Variants in PRKAR1A observed in about 807,000 individuals in gnomAD.
PRKAR1A encodes the protein protein kinase cAMP-dependent type I regulatory subunit alpha.
Under a neutral mutation model 52.0 loss-of-function variants are expected in PRKAR1A, and 3 were observed. The observed-to-expected ratio is 0.06, with a 90% CI of 0.03 to 0.15. PRKAR1A has a LOEUF of 0.15. Ranked by LOEUF, PRKAR1A falls within the 10% of genes least tolerant of loss-of-function variation. PRKAR1A has a pLI of 1.00. For synonymous variants in PRKAR1A, 188 were observed against 168.4 expected (o/e 1.12, Z -0.90); for missense variants, 240 against 477.4 (o/e 0.50, Z 4.63).
chr17:68,435,591 G>A, the PRKAR1A span: 4 of 1,609,382 alleles, frequency 2.5e-6, no homozygotes, highest in Non-Finnish European at 3.4e-6. Flanking sequence ...GCGAAACCCA[G>A]ACAGAGGTGT....
At chr17:68,524,838 A>G (rs757694658) in intron 5 of PRKAR1A, 74 bp from the exon 6 acceptor site, 2 of 1,212,178 alleles carry the variant, frequency 1.6e-6, no homozygotes, top group South Asian at 1.2e-5. Flanking sequence ...AAATAAGTTT[A>G]TTGTTTTGTA....
chr17:68,518,393 A>G (rs2085497986), intron 2 of PRKAR1A, among the ~76,000 whole-genome samples: 1 of 152,166 alleles, frequency 6.6e-6, no homozygotes, highest in African/African-American at 2.4e-5. Flanking sequence ...ATTTCTGTAC[A>G]TCTTCTGAAA....
In PRKAR1A at chr17:68,551,029, G is replaced by A. The variant is rs145733750; in HGVS notation, c.974-55G>A. ...TCCACTGGAAGAAGCACATTCTGGAGGAAAGCATGACTTGGGTAACGTGGC... is the reference window on the plus strand; with the variant it reads ...TCCACTGGAAGAAGCACATTCTGGAAGAAAGCATGACTTGGGTAACGTGGC... On this transcript the variant is annotated intron_variant, in intron 11 of 11. Transcript: ENST00000585981. The A allele has an allele frequency of 4.0e-4, 486 of 1,208,686 alleles. 3 individuals carry two copies. In the East Asian group the frequency reaches 0.012, roughly 29 times the overall value. 74.9% of individuals were successfully genotyped at this position (1,208,686 alleles called of 1,614,324 possible).
chr17:68,431,783 A>ATGAG, the PRKAR1A span, among the ~76,000 whole-genome samples: 2 of 8,504 alleles, frequency 2.4e-4, no homozygotes, highest in South Asian at 3.1e-3. Flanking sequence ...TTGAGCGGAG[A>ATGAG]ACCCAGAACA....
chr17:68,522,809 A>G lies in PRKAR1A; in HGVS notation c.231A>G (p.Ser77=). The change falls in exon 3 of 11, where the codon TCA becomes TCG. Residue 77 remains serine, a synonymous_variant. Coordinates refer to ENST00000589228, the MANE Select transcript of PRKAR1A (RefSeq NM_002734.5). ...NLQKAGTRTD[S]REDEISPPPP... is the part of the protein sequence containing the mutation. ...AGAAAGCAGGCACTCGTACAGACTC[A>G]AGGGAGGATGAGATTTCTCCTCCTC... 6.2e-7 allele frequency: 1 copy of G among 1,614,086 alleles called. No individual in the cohort carries two copies. The highest frequency in any genetic ancestry group is 8.5e-7 in the Non-Finnish European group (1 of 1,179,964).
the PRKAR1A span, among the ~76,000 whole-genome samples, chr17:68,478,249 C>T: frequency 5.3e-5 from 8 of 152,098 alleles, no homozygotes; most frequent in East Asian, 1.4e-3. Flanking sequence ...GTCAGGAGAT[C>T]GAGACTATCC....
the PRKAR1A span, among the ~76,000 whole-genome samples, chr17:68,501,055 G>A: frequency 6.6e-6 from 1 of 152,124 alleles, no homozygotes; most frequent in Non-Finnish European, 1.5e-5. Context: ...TTACTGGTTG[G>A]TCAATGCACA....
At chr17:68,423,936 A>C in the PRKAR1A span, among the ~76,000 whole-genome samples, 1 of 152,220 alleles carries the variant, frequency 6.6e-6, no homozygotes, top group South Asian at 2.1e-4. This position sits in a 1 kb window ranked among gnomAD's most constrained non-coding sequence, Gnocchi z 4.4. Flanking sequence ...AATTAGTGAA[A>C]CGGAACCTAG....
At chr17:68,483,720 G>A in the PRKAR1A span, among the ~76,000 whole-genome samples, 1 of 152,098 alleles carries the variant, frequency 6.6e-6, no homozygotes, top group Non-Finnish European at 1.5e-5. Context: ...AATTAGTTGG[G>A]TGTGGTGGCG....
chr17:68,429,355 ACTC>A, the PRKAR1A span, among the ~76,000 whole-genome samples: 2 of 152,220 alleles, frequency 1.3e-5, no homozygotes, highest in African/African-American at 2.4e-5. Context: ...TTTTGAATAA[ACTC>A]CTTTAAACTT....
At chr17:68,522,603 T>A (rs2085650273) in intron 2 of PRKAR1A, among the ~76,000 whole-genome samples, 153 bp from the exon 3 acceptor site, 2 of 151,442 alleles carry the variant, frequency 1.3e-5, no homozygotes, top group South Asian at 4.2e-4. Context: ...TTACTCTCTT[T>A]TTTTCCCCTT....
At chr17:68,546,419 T>G (rs2086569724) in intron 11 of PRKAR1A, among the ~76,000 whole-genome samples, 1 of 152,046 alleles carries the variant, frequency 6.6e-6, no homozygotes, top group Non-Finnish European at 1.5e-5. Context: ...TCACAAATTT[T>G]CTTAATGGCA....
chr17:68,510,195 G>GAGAGAGAGAGAGAGAGAGAGAT (rs1164168629), upstream of PRKAR1A, among the ~76,000 whole-genome samples: 2 of 148,650 alleles, frequency 1.3e-5, 1 homozygote, highest in South Asian at 4.3e-4. Context: ...GAGAGAGAGA[G>GAGAGAGAGAGAGAGAGAGAGAT]ATCTATCTAT....
the PRKAR1A span, among the ~76,000 whole-genome samples, chr17:68,477,550 C>A: frequency 6.6e-6 from 1 of 152,258 alleles, no homozygotes; most frequent in South Asian, 2.1e-4. Flanking sequence ...CTTTTTTCCC[C>A]GTGTGTACTT....
At chr17:68,445,774 T>A in the PRKAR1A span, among the ~76,000 whole-genome samples, 84 of 152,294 alleles carry the variant, frequency 5.5e-4, 2 homozygotes, top group African/African-American at 2.0e-3. Context: ...CAGGAAGGCA[T>A]TTCTGGTTGG....
chr17:68,500,717 A>G, the PRKAR1A span, among the ~76,000 whole-genome samples: 1 of 151,974 alleles, frequency 6.6e-6, no homozygotes, highest in Admixed American at 6.6e-5. Context: ...GGGTTTTACC[A>G]TGTTGGTTAG....
the PRKAR1A span, among the ~76,000 whole-genome samples, chr17:68,456,019 A>G: frequency 6.6e-6 from 1 of 152,226 alleles, no homozygotes; most frequent in Admixed American, 6.5e-5. Context: ...AGTGGATCCT[A>G]AAACGCAATT....
chr17:68,504,808 C>A, the PRKAR1A span, among the ~76,000 whole-genome samples: 1 of 152,088 alleles, frequency 6.6e-6, no homozygotes, highest in African/African-American at 2.4e-5. Flanking sequence ...TTTAATTGTA[C>A]ATTTAAAAAT....
the PRKAR1A span, among the ~76,000 whole-genome samples, chr17:68,500,064 T>C: frequency 3.3e-5 from 5 of 152,186 alleles, no homozygotes; most frequent in African/African-American, 1.2e-4. Context: ...AAACATAACC[T>C]AGGTGATCTA....
Sources: allele counts gnomAD v4.1 joint callset (sites outside exome capture counted in the v4.1 genomes callset), GRCh38; gene constraint gnomAD v4.1.1; non-coding constraint Gnocchi (gnomAD v3.1); transcripts MANE v1.5; gene names NCBI Gene and HGNC (gene_info 2026-07-23, HGNC 2026-07-21).